The following DNAH7 variants were observed in gnomAD, a reference collection of about 807,000 sequenced individuals.
DNAH7 encodes axonemal beta dynein heavy chain 7.
A neutral mutation model predicts 444.6 loss-of-function variants in DNAH7; 397 were observed. The observed-to-expected ratio is 0.89, with a 90% CI of 0.82 to 0.97. The LOEUF is 0.97. Ranked by LOEUF, DNAH7 falls within the 50% of genes least tolerant of loss-of-function variation. The pLI, the probability that DNAH7 is intolerant of heterozygous loss-of-function variation, is 0.00. For missense variants in DNAH7, 4,902 were observed against 4,800.8 expected, an observed-to-expected ratio of 1.02 and a Z score of -0.62; for synonymous variants, 1,636 against 1,624.4, an observed-to-expected ratio of 1.01 and a Z score of -0.17.
intron 46 of DNAH7, among the ~76,000 whole-genome samples, chr2:195,846,949 A>ATGTATGTGTGTG (rs1553535818): frequency 7.3e-6 from 1 of 137,158 alleles, no homozygotes; most frequent in Non-Finnish European, 1.6e-5. Context: ...ACTCCCATAT[A>ATGTATGTGTGTG]TGTGTGTGTG....
intron 24 of DNAH7, among the ~76,000 whole-genome samples, chr2:195,918,636 C>A (rs929313434): frequency 6.6e-6 from 1 of 152,114 alleles, no homozygotes; most frequent in Admixed American, 6.6e-5. Context: ...AACTTAAATG[C>A]ATATTGCTAA....
intron 8 of DNAH7, among the ~76,000 whole-genome samples, chr2:196,024,090 A>C (rs1029091050): frequency 6.6e-6 from 1 of 152,222 alleles, no homozygotes; most frequent in African/African-American, 2.4e-5. Context: ...ATAATAACAG[A>C]AAAAGCTTAA....
At chr2:195,993,962 TGAGA>T (rs545876803) in intron 12 of DNAH7, among the ~76,000 whole-genome samples, 1 of 152,210 alleles carries the variant, frequency 6.6e-6, no homozygotes, top group South Asian at 2.1e-4. Context: ...AAAGTTAGAG[TGAGA>T]AACACCTGAT....
At chr2:195,898,144 T>A (rs370414880) in intron 28 of DNAH7, among the ~76,000 whole-genome samples, 4 of 152,184 alleles carry the variant, frequency 2.6e-5, no homozygotes, top group Admixed American at 2.6e-4. Flanking sequence ...AAGTGGGCAA[T>A]CATTTTGAAA....
chr2:196,012,458 G>A (rs1303135463), intron 10 of DNAH7, among the ~76,000 whole-genome samples: 4 of 152,080 alleles, frequency 2.6e-5, no homozygotes, highest in African/African-American at 7.2e-5. Context: ...CCTAGCATGT[G>A]TTAACAGCAG....
At chr2:196,036,459 C>T (rs1467499531) in intron 5 of DNAH7, among the ~76,000 whole-genome samples, 1 of 152,186 alleles carries the variant, frequency 6.6e-6, no homozygotes, top group Non-Finnish European at 1.5e-5. Flanking sequence ...TGTCCTACTA[C>T]CCAAGGAATA....
intron 64 of DNAH7, among the ~76,000 whole-genome samples, 145 bp downstream of exon 64, chr2:195,740,609 GTGTGTGTATATA>G (rs1268431237): frequency 0.05 from 2,811 of 56,646 alleles, 47 homozygotes; most frequent in Middle Eastern, 0.082. Flanking sequence ...GTGTGTGTGT[GTGTGTGTATATA>G]TATATATATA....
At chr2:195,976,784 A>AGAGAGAGAGAGAGAGAGG (rs1271382845) in intron 15 of DNAH7, among the ~76,000 whole-genome samples, 39 of 146,122 alleles carry the variant, frequency 2.7e-4, no homozygotes, top group South Asian at 6.4e-4. Flanking sequence ...AGAGAGAGAG[A>AGAGAGAGAGAGAGAGAGG]GAGACTCTCT....
rs994426845 is a variant in DNAH7, at chr2:196,001,743, T to C, written c.1105A>G (p.Thr369Ala). ...SFFNCAAALM[T>A]LQLQDLTLVS... ...AAAGTGAGGTCCTGCAGCTGTAAAG[T>C]CATAAGTGCAGCAGCACAGTTGAAA... Residue 369 changes from threonine to alanine, a missense_variant, in exon 11 of 65, where the codon ACT (threonine) becomes GCT (alanine). Transcript: ENST00000312428. 6.2e-7 allele frequency: 1 copy of C among 1,609,608 alleles called. No homozygotes were observed. Among genetic ancestry groups the C allele is most frequent in the Non-Finnish European group, 8.5e-7 (1 of 1,177,932 alleles).
chr2:195,831,517 A>T (rs541929348), intron 48 of DNAH7, among the ~76,000 whole-genome samples: 1 of 152,242 alleles, frequency 6.6e-6, no homozygotes, highest in East Asian at 1.9e-4. Context: ...TCGTAAATGT[A>T]TAACAGTAAC....
At chr2:195,863,627 CAG>C (rs1700147592) in intron 41 of DNAH7, among the ~76,000 whole-genome samples, 1 of 152,028 alleles carries the variant, frequency 6.6e-6, no homozygotes, top group Non-Finnish European at 1.5e-5. Context: ...AAGTGAGACA[CAG>C]GGGTATTTTG....
chr2:195,748,128 TCA>T (rs1693542195), intron 63 of DNAH7, among the ~76,000 whole-genome samples: 1 of 152,204 alleles, frequency 6.6e-6, no homozygotes, highest in Non-Finnish European at 1.5e-5. Flanking sequence ...ATAAGCAACT[TCA>T]GCAATGTCTC....
chr2:195,866,892 T>C (rs184289960), intron 40 of DNAH7, among the ~76,000 whole-genome samples: 46 of 152,284 alleles, frequency 3.0e-4, no homozygotes, highest in Admixed American at 1.7e-3. Flanking sequence ...GCTGTTCTTA[T>C]GATAGTGAAT....
At chr2:195,811,795 G>C (rs983579120) in intron 51 of DNAH7, among the ~76,000 whole-genome samples, 1 of 152,164 alleles carries the variant, frequency 6.6e-6, no homozygotes, top group Admixed American at 6.5e-5. Context: ...AACTGTGTGC[G>C]TAATTATCAA....
intron 44 of DNAH7, among the ~76,000 whole-genome samples, chr2:195,856,434 T>C (rs540446099): frequency 3.9e-5 from 6 of 152,256 alleles, no homozygotes; most frequent in South Asian, 2.1e-4. Flanking sequence ...AGGAATTATA[T>C]AGGAAAAAGG....
intron 5 of DNAH7, among the ~76,000 whole-genome samples, chr2:196,029,154 T>C (rs1380970705): frequency 6.6e-6 from 1 of 152,164 alleles, no homozygotes; most frequent in East Asian, 1.9e-4. Context: ...CATTACATTG[T>C]TGACTACACA....
chr2:195,923,818 A>C lies in DNAH7; in HGVS notation c.3613-11T>G. On this transcript the variant is annotated splice_polypyrimidine_tract_variant and intron_variant, in intron 22 of 64. Coordinates refer to ENST00000312428, the MANE Select transcript of DNAH7 (RefSeq NM_018897.3). ...GTATTGCTCAAGAGCCTGAAAGAAAAGAAAATAAGATATGATTTCCCAATG... is the reference window on the plus strand; with the variant it reads ...GTATTGCTCAAGAGCCTGAAAGAAACGAAAATAAGATATGATTTCCCAATG... The C allele has an allele frequency of 6.2e-7, 1 of 1,610,966 alleles. No homozygotes were observed. The highest frequency in any genetic ancestry group is 8.5e-7 in the Non-Finnish European group (1 of 1,177,284).
intron 24 of DNAH7, among the ~76,000 whole-genome samples, chr2:195,913,261 A>G (rs564670706): frequency 6.6e-6 from 1 of 152,304 alleles, no homozygotes; most frequent in Admixed American, 6.5e-5. Flanking sequence ...TAAAGTAGTT[A>G]AAGACATTTT....
chr2:195,990,719 G>A (rs1377161855), intron 12 of DNAH7, among the ~76,000 whole-genome samples: 1 of 147,902 alleles, frequency 6.8e-6, no homozygotes, highest in African/African-American at 2.5e-5. Flanking sequence ...CCATTCCATT[G>A]GTCTATGTGT....
Sources: gnomAD v4.1 joint callset for allele counts (sites outside exome capture counted in the v4.1 genomes callset) on GRCh38, gnomAD v4.1.1 for gene constraint, MANE v1.5 for transcripts, NCBI Gene and HGNC (gene_info 2026-07-23, HGNC 2026-07-21) for gene names.